The following DHDDS variants were observed in gnomAD, a reference collection of about 807,000 sequenced individuals.
The protein encoded by DHDDS is dehydrodolichyl diphosphate synthase subunit, also known as dehydrodolichyl diphosphate synthase complex subunit DHDDS.
A neutral mutation model predicts 46.2 loss-of-function variants in DHDDS; 16 were observed. The ratio of observed to expected loss-of-function variants is 0.35; its 90% CI spans 0.23 to 0.53. The LOEUF is 0.53. Ranked by LOEUF, DHDDS falls within the 20% of genes least tolerant of loss-of-function variation. DHDDS has a pLI of 0.94. For missense variants in DHDDS, 340 were observed against 423.7 expected, an observed-to-expected ratio of 0.80 and a Z score of 1.73; for synonymous variants, 151 against 163.1, an observed-to-expected ratio of 0.93 and a Z score of 0.56.
intron 8 of DHDDS, chr1:26,467,456 G>C: frequency 2.4e-6 from 1 of 423,990 alleles, no homozygotes; most frequent in Non-Finnish European, 5.1e-6. Context: ...CAGGAGCCGG[G>C]GGGGACAGTC....
At chr1:26,441,608 A>G (rs1019287900) in intron 3 of DHDDS, among the ~76,000 whole-genome samples, 1 of 152,038 alleles carries the variant, frequency 6.6e-6, no homozygotes, top group African/African-American at 2.4e-5. Context: ...GATATAGGAC[A>G]TTTCCTGCCG....
Position 26,469,278 on chromosome 1 carries a change from G to T in DHDDS, c.*147G>T. 1.4e-6 allele frequency: 2 copies of T among 1,479,348 alleles called. No homozygotes were observed. The highest frequency in any genetic ancestry group is 4.8e-5 in the East Asian group (2 of 41,876). The allele number at this position is 1,479,348 out of a possible 1,614,324, so 91.6% of individuals were successfully genotyped here. A position where few individuals can be genotyped will look rare whatever the true frequency, so the allele number is the denominator to read the frequency against. ...GGGAGCCCCCCAGGCCAGGTTTGCT[G>T]GCCATAGATACCTTTGGGCTGCCTG... On this transcript the variant is annotated 3_prime_UTR_variant, in exon 9 of 9. Coordinates refer to ENST00000236342, the MANE Select transcript of DHDDS (RefSeq NM_205861.3).
intron 4 of DHDDS, among the ~76,000 whole-genome samples, chr1:26,443,245 A>G (rs550040309): frequency 5.9e-5 from 9 of 152,294 alleles, no homozygotes; most frequent in African/African-American, 1.7e-4. Flanking sequence ...CCTGGAATCA[A>G]TAAAATCCCT....
At chr1:26,458,889 T>C (rs2075397195) in intron 7 of DHDDS, among the ~76,000 whole-genome samples, 1 of 152,148 alleles carries the variant, frequency 6.6e-6, no homozygotes, top group African/African-American at 2.4e-5. Context: ...ACAGAATTAG[T>C]TACATTGACA....
intron 6 of DHDDS, 134 bp from the exon 7 acceptor site, chr1:26,457,657 G>A: frequency 1.4e-6 from 1 of 695,120 alleles, no homozygotes; most frequent in Non-Finnish European, 2.6e-6. Flanking sequence ...GGCCTTCTGT[G>A]TAGTATTGGC....
At chr1:26,462,121 A>C (rs2075429744) in intron 8 of DHDDS, among the ~76,000 whole-genome samples, 2 of 150,072 alleles carry the variant, frequency 1.3e-5, no homozygotes, top group African/African-American at 4.9e-5. Flanking sequence ...GCAGTTGTGC[A>C]ACTTTGGCTT....
intron 4 of DHDDS, 160 bp downstream of exon 4, chr1:26,443,033 T>G (rs916166851): frequency 1.6e-5 from 21 of 1,277,352 alleles, no homozygotes; most frequent in African/African-American, 3.6e-5. Context: ...CAAGATAGTC[T>G]TTCATTCTTT....
chr1:26,457,744 A>G (rs1184030302), intron 6 of DHDDS, 47 bp from the exon 7 acceptor site: 3 of 1,395,580 alleles, frequency 2.1e-6, no homozygotes, highest in Non-Finnish European at 3.1e-6. Context: ...CAGAAAGAGA[A>G]TACTACAGGA....
At chr1:26,451,656 T>G (rs2124456711) in intron 6 of DHDDS, among the ~76,000 whole-genome samples, 2 of 139,490 alleles carry the variant, frequency 1.4e-5, no homozygotes, top group Non-Finnish European at 1.5e-5. Context: ...TGAGACAGAG[T>G]CTCGCTCTGT....
At chr1:26,436,516 C>T (rs1468615744) in intron 2 of DHDDS, among the ~76,000 whole-genome samples, 21 of 152,108 alleles carry the variant, frequency 1.4e-4, no homozygotes, top group African/African-American at 4.6e-4. Context: ...CTCCGCCTCC[C>T]GGGTTCATGC....
rs12755950 is a variant in DHDDS at position 26,454,047 on chromosome 1, G to A, written c.543-3744G>A. On this transcript the variant is annotated intron_variant, in intron 6 of 8. Coordinates refer to ENST00000236342, the MANE Select transcript of DHDDS (RefSeq NM_205861.3). ...CGGCTCACTACAAGCTCCGCCTCCC[G>A]GGTTCACGCCATTCTCCTGCCTCAG... is the stretch of plus-strand genomic sequence containing the variant. Among the ~76,000 whole-genome samples, 325 of 152,050 alleles carry A rather than the reference G, an allele frequency of 2.1e-3. 1 individual carries two copies. The highest frequency in any genetic ancestry group is 3.4e-3 in the Middle Eastern group (1 of 292).
intron 6 of DHDDS, 177 bp downstream of exon 6, chr1:26,447,837 A>G: frequency 2.9e-6 from 2 of 678,520 alleles, no homozygotes; most frequent in East Asian, 2.7e-5. Flanking sequence ...TTCAACAACA[A>G]CAACAAAAAA....
At chr1:26,437,954 C>T (rs1002815499) in intron 2 of DHDDS, among the ~76,000 whole-genome samples, 1 of 152,096 alleles carries the variant, frequency 6.6e-6, no homozygotes. Context: ...GCATTCCCAC[C>T]TGGGTGACTA....
chr1:26,469,678 G>T lies in DHDDS; in HGVS notation c.*547G>T. Reference sequence around the variant, plus strand: ...CCCCTTGGCTCTCCACCTGGGATTTGCTATTGAATCTCTACCCTCTCCCAC... The same window carrying T: ...CCCCTTGGCTCTCCACCTGGGATTTTCTATTGAATCTCTACCCTCTCCCAC... On this transcript the variant is annotated 3_prime_UTR_variant, in exon 9 of 9. Transcript: ENST00000236342. The T allele has an allele frequency of 4.5e-6, 1 of 220,332 alleles. No individual in the cohort carries two copies. The highest frequency in any genetic ancestry group is 9.3e-6 in the Non-Finnish European group (1 of 107,454). The allele number at this position is 220,332 out of a possible 1,614,324, so 13.6% of individuals were successfully genotyped here. A position where few individuals can be genotyped will look rare whatever the true frequency, so the allele number is the denominator to read the frequency against.
At chr1:26,468,522 C>G (rs571606929) in intron 8 of DHDDS, among the ~76,000 whole-genome samples, 1 of 152,312 alleles carries the variant, frequency 6.6e-6, no homozygotes, top group African/African-American at 2.4e-5. Flanking sequence ...AAGGTAGGCA[C>G]AACCCCCACT....
intron 4 of DHDDS, among the ~76,000 whole-genome samples, chr1:26,445,475 G>C (rs4382774): frequency 0.19 from 29,151 of 152,204 alleles, 3,718 homozygotes; most frequent in Middle Eastern, 0.28. Context: ...CACTTTGGGA[G>C]GCTCAGGCAG....
At chr1:26,460,354 AG>A (rs200666475) in intron 8 of DHDDS, among the ~76,000 whole-genome samples, 364 of 152,304 alleles carry the variant, frequency 2.4e-3, no homozygotes, top group African/African-American at 8.2e-3. Context: ...GAACCCAATG[AG>A]GGAAGTCTTA....
intron 7 of DHDDS, among the ~76,000 whole-genome samples, chr1:26,459,701 T>C (rs368243560): frequency 2.9e-4 from 44 of 152,246 alleles, no homozygotes; most frequent in Non-Finnish European, 4.4e-4. Flanking sequence ...GTCTTCCAGA[T>C]GCCCTCTAAG....
At chr1:26,432,826 C>T in intron 1 of DHDDS, 65 bp from the exon 2 acceptor site, 1 of 982,412 alleles carries the variant, frequency 1.0e-6, no homozygotes, top group Non-Finnish European at 1.6e-6. Flanking sequence ...TCTGATTCCC[C>T]AGAAGTCAGT....
Sources: allele counts gnomAD v4.1 joint callset (sites outside exome capture counted in the v4.1 genomes callset), GRCh38; gene constraint gnomAD v4.1.1; transcripts MANE v1.5; gene names NCBI Gene and HGNC (gene_info 2026-07-23, HGNC 2026-07-21).